The following ARHGAP24 variants were observed in gnomAD, a reference collection of about 807,000 sequenced individuals.
The protein encoded by ARHGAP24 is Rho GTPase activating protein 24, also known as rho GTPase-activating protein 24.
In ARHGAP24, 50 loss-of-function variants were observed where a neutral mutation model predicts 76.4. That is an observed-to-expected ratio of 0.65 (90% CI 0.52 to 0.83). The LOEUF (loss-of-function observed/expected upper bound fraction) is 0.83. ARHGAP24 is among the 40% of genes least tolerant of loss of function. The pLI is 0.00. For synonymous variants in ARHGAP24, 345 were observed against 323.3 expected (o/e 1.07, Z -0.72); for missense variants, 930 against 914.2 (o/e 1.02, Z -0.22).
chr4:85,619,384 G>A (rs995265483), intron 2 of ARHGAP24, among the ~76,000 whole-genome samples: 1 of 151,710 alleles, frequency 6.6e-6, no homozygotes, highest in Non-Finnish European at 1.5e-5. Flanking sequence ...AGTTTATTTT[G>A]TGATTAGGTA....
chr4:85,806,647 A>T (rs1728803443), intron 3 of ARHGAP24, among the ~76,000 whole-genome samples: 1 of 152,178 alleles, frequency 6.6e-6, no homozygotes, highest in Non-Finnish European at 1.5e-5. Flanking sequence ...CTGAAAAAAC[A>T]TGCACAAAAA....
chr4:85,937,365 T>C (rs1468677492), intron 4 of ARHGAP24, among the ~76,000 whole-genome samples: 1 of 152,176 alleles, frequency 6.6e-6, no homozygotes, highest in Non-Finnish European at 1.5e-5. Flanking sequence ...AAGAGATGAC[T>C]TATTCAGCTT....
rs547423629 is a variant in ARHGAP24, at chr4:85,870,055, G to A, written c.269-53593G>A. Among the ~76,000 whole-genome samples the A allele has an allele frequency of 2.6e-5, 4 of 152,140 alleles. No homozygotes were observed. The South Asian group carries it at 8.3e-4, about 32-fold the overall frequency. On this transcript the variant is annotated intron_variant, in intron 3 of 9. Transcript: ENST00000395184. ...ATAGTAGCTACCTAAGATATTGTGT[G>A]GATTAATTGAGTTAATGCATATAAA...
chr4:85,784,914 TC>T (rs1727740659), intron 3 of ARHGAP24, among the ~76,000 whole-genome samples: 1 of 6,458 alleles, frequency 1.5e-4, no homozygotes, highest in Non-Finnish European at 4.9e-4. Context: ...TCTCTATCTA[TC>T]TATCTATCTA....
At chr4:85,973,913 G>C (rs1325610808) in intron 6 of ARHGAP24, among the ~76,000 whole-genome samples, 3 of 135,792 alleles carry the variant, frequency 2.2e-5, no homozygotes. Context: ...CGGGATCTTG[G>C]CTCACTGCAA....
Position 85,995,189 on chromosome 4 carries a change from G to A in ARHGAP24, c.1535G>A (p.Arg512Lys). 6.2e-7 allele frequency: 1 copy of A among 1,613,978 alleles called. No homozygotes were observed. The highest frequency in any genetic ancestry group is 8.5e-7 in the Non-Finnish European group (1 of 1,180,018). ...CTGCCAAATGGCTATGTGACCCTGA[G>A]GGATAACAAGCAGAAAGAACAAGCT... is the stretch of plus-strand genomic sequence containing the variant. ...SWLPNGYVTL[R>K]DNKQKEQAGE... Residue 512 changes from arginine to lysine, a missense_variant, in exon 9 of 10, where the codon AGG (arginine) becomes AAG (lysine). Arg to Lys is a conservative substitution (Grantham distance 26). Coordinates refer to ENST00000395184, the MANE Select transcript of ARHGAP24 (RefSeq NM_001025616.3).
At chr4:85,534,561 G>T (rs1725391105) in intron 1 of ARHGAP24, among the ~76,000 whole-genome samples, 1 of 152,176 alleles carries the variant, frequency 6.6e-6, no homozygotes, top group African/African-American at 2.4e-5. Flanking sequence ...TGGAGAAGAT[G>T]AAGTGGGGTG....
intron 1 of ARHGAP24, among the ~76,000 whole-genome samples, chr4:85,517,906 A>G (rs1578197790): frequency 6.6e-6 from 1 of 152,124 alleles, no homozygotes; most frequent in East Asian, 1.9e-4. Flanking sequence ...TTGCCTAGTG[A>G]TCTAATGTAG....
At chr4:85,856,241 C>T (rs1008388786) in intron 3 of ARHGAP24, among the ~76,000 whole-genome samples, 9 of 151,800 alleles carry the variant, frequency 5.9e-5, no homozygotes, top group East Asian at 3.9e-4. Flanking sequence ...TATGTACTTT[C>T]GGGCCATTCA....
intron 2 of ARHGAP24, among the ~76,000 whole-genome samples, chr4:85,660,175 T>C (rs1233901297): frequency 6.6e-6 from 1 of 152,202 alleles, no homozygotes; most frequent in East Asian, 1.9e-4. Flanking sequence ...TCTTATTCCC[T>C]CCTTACCTAT....
At chr4:85,496,876 C>T (rs1723604175) in intron 1 of ARHGAP24, among the ~76,000 whole-genome samples, 1 of 151,986 alleles carries the variant, frequency 6.6e-6, no homozygotes, top group African/African-American at 2.4e-5. Context: ...AAAGTCCCGC[C>T]AACAAAATAC....
chr4:85,719,773 G>GTT (rs553685451), intron 2 of ARHGAP24, among the ~76,000 whole-genome samples: 76 of 152,278 alleles, frequency 5.0e-4, no homozygotes, highest in African/African-American at 1.8e-3. Context: ...TTTAACGAGG[G>GTT]AGATGGACTT....
intron 1 of ARHGAP24, among the ~76,000 whole-genome samples, chr4:85,522,468 G>A (rs1213207072): frequency 6.6e-6 from 1 of 152,186 alleles, no homozygotes; most frequent in Non-Finnish European, 1.5e-5. Context: ...AGTAGGAGTA[G>A]CAGAAGTGAA....
At chr4:85,992,924 G>T (rs546743565) in intron 8 of ARHGAP24, among the ~76,000 whole-genome samples, 1 of 152,038 alleles carries the variant, frequency 6.6e-6, no homozygotes, top group South Asian at 2.1e-4. Flanking sequence ...GTTTTAAATT[G>T]CAGCAGCTGA....
intron 3 of ARHGAP24, among the ~76,000 whole-genome samples, chr4:85,780,945 AAAC>A (rs1393467983): frequency 2.0e-5 from 3 of 152,246 alleles, no homozygotes; most frequent in African/African-American, 4.8e-5. Flanking sequence ...ATCAGTGACT[AAAC>A]AAATCCCAAG....
intron 3 of ARHGAP24, among the ~76,000 whole-genome samples, chr4:85,885,725 A>G (rs1733530045): frequency 6.6e-6 from 1 of 152,134 alleles, no homozygotes; most frequent in African/African-American, 2.4e-5. Context: ...ATAATGGCTC[A>G]TGTGTTAAAT....
chr4:85,679,539 C>G, intron 2 of ARHGAP24, among the ~76,000 whole-genome samples: 1 of 152,188 alleles, frequency 6.6e-6, no homozygotes, highest in East Asian at 1.9e-4. Context: ...TGTCCCTGGT[C>G]TTACTGGTCT....
Position 85,817,715 on chromosome 4 carries a change from C to A in ARHGAP24, c.268+95743C>A, listed in dbSNP as rs566578612. Among the ~76,000 whole-genome samples the A allele has an allele frequency of 3.6e-3, 543 of 152,228 alleles. 8 individuals carry two copies. The highest frequency in any genetic ancestry group is 2.5e-3 in the Non-Finnish European group (171 of 67,996). ...GTAATCCTTTCTATGTAGACTTTAACTGGGGTATTTAATACAAAAGGTTGG... is the reference window on the plus strand; with the variant it reads ...GTAATCCTTTCTATGTAGACTTTAAATGGGGTATTTAATACAAAAGGTTGG... On this transcript the variant is annotated intron_variant, in intron 3 of 9. Transcript: ENST00000395184.
chr4:85,645,680 G>A (rs1279162002), intron 2 of ARHGAP24, among the ~76,000 whole-genome samples: 7 of 151,992 alleles, frequency 4.6e-5, no homozygotes, highest in African/African-American at 1.7e-4. Flanking sequence ...GTAAAAAGAA[G>A]CACATATTGG....
Sources: gnomAD v4.1 joint callset for allele counts (sites outside exome capture counted in the v4.1 genomes callset) on GRCh38, gnomAD v4.1.1 for gene constraint, MANE v1.5 for transcripts, NCBI Gene and HGNC (gene_info 2026-07-23, HGNC 2026-07-21) for gene names.